GPSM2: variants seen among roughly 807,000 people sequenced by gnomAD.
GPSM2 encodes G protein-signaling modulator 2.
Under a neutral mutation model 78.4 loss-of-function variants are expected in GPSM2, and 58 were observed. The ratio of observed to expected loss-of-function variants is 0.74; its 90% confidence interval spans 0.60 to 0.92. The LOEUF is 0.92. Among genes scored for constraint, GPSM2 ranks in the 40% least tolerant of loss-of-function variants. The pLI is 0.00. For synonymous variants in GPSM2, 224 were observed against 280.2 expected (o/e 0.80, Z 2.00); for missense variants, 700 against 815.5 (o/e 0.86, Z 1.73).
chr1:108,918,390 G>C (rs1009096004), intron 11 of GPSM2, among the ~76,000 whole-genome samples: 2 of 152,110 alleles, frequency 1.3e-5, no homozygotes, highest in African/African-American at 4.8e-5. Flanking sequence ...TTAAAAACCA[G>C]CATTTTAATG....
intron 1 of GPSM2, chr1:108,877,816 C>A (rs1665706819): frequency 6.6e-6 from 1 of 152,074 alleles, no homozygotes; most frequent in Non-Finnish European, 1.5e-5. Context: ...TTCCTGAAAT[C>A]TATAGAATAC....
chr1:108,924,040 T>G lies in GPSM2; in HGVS notation c.1641T>G (p.Phe547Leu), dbSNP rs891269232. 14 of 1,613,444 alleles carry G rather than the reference T, an allele frequency of 8.7e-6. No homozygotes were observed. The highest frequency in any genetic ancestry group is 9.3e-6 in the Non-Finnish European group (11 of 1,179,418). The change falls in exon 14 of 15, where the codon TTT becomes TTG. Residue 547 changes from phenylalanine to leucine, a missense_variant. Phe to Leu is a conservative substitution (Grantham distance 22). Transcript: ENST00000264126. Reference protein sequence around the residue: ...VPVVSPNTDEFLDLLASSQSR... With the variant: ...VPVVSPNTDELLDLLASSQSR... ...TGGTATCCCCCAACACGGATGAGTT[T>G]TTAGATCTTCTTGCCAGCTCACAGA...
intron 10 of GPSM2, among the ~76,000 whole-genome samples, chr1:108,906,684 C>T (rs11102623): frequency 0.025 from 3,744 of 151,986 alleles, 159 homozygotes; most frequent in African/African-American, 0.085. Flanking sequence ...TCGAGACCAG[C>T]CTGGCCAACA....
At chr1:108,903,682 C>T (rs191862465) in intron 9 of GPSM2, among the ~76,000 whole-genome samples, 253 of 152,134 alleles carry the variant, frequency 1.7e-3, no homozygotes, top group Middle Eastern at 6.8e-3. Context: ...AGTGTTATAA[C>T]GATTAGAGCT....
At chr1:108,891,664 ATTTTTTT>A (rs58295802) in intron 2 of GPSM2, among the ~76,000 whole-genome samples, 1 of 117,206 alleles carries the variant, frequency 8.5e-6, no homozygotes, top group African/African-American at 3.5e-5. Flanking sequence ...CAGCCAGCTA[ATTTTTTT>A]TTTTTTTTTT....
At chr1:108,919,615 A>G (rs539367356) in intron 12 of GPSM2, among the ~76,000 whole-genome samples, 5 of 152,174 alleles carry the variant, frequency 3.3e-5, no homozygotes, top group African/African-American at 4.8e-5. Flanking sequence ...GTATATGCCT[A>G]TGGTCCCAGA....
chr1:108,902,388 A>G (rs1648893465), intron 8 of GPSM2, among the ~76,000 whole-genome samples: 1 of 151,998 alleles, frequency 6.6e-6, no homozygotes, highest in African/African-American at 2.4e-5. Flanking sequence ...TCAAAAAAAA[A>G]AAAAAAAAAG....
At chr1:108,894,248 T>C (rs1319594222) in intron 2 of GPSM2, among the ~76,000 whole-genome samples, 2 of 152,206 alleles carry the variant, frequency 1.3e-5, no homozygotes, top group Non-Finnish European at 2.9e-5. Flanking sequence ...TGAAGTGACA[T>C]ATAAAGAAAC....
chr1:108,880,501 A>G (rs896337777), intron 1 of GPSM2, among the ~76,000 whole-genome samples: 24 of 150,938 alleles, frequency 1.6e-4, no homozygotes, highest in African/African-American at 5.1e-4. Context: ...AATCACTTGA[A>G]CCCAGGACGT....
chr1:108,931,888 A>G lies in GPSM2; in HGVS notation c.*1948A>G, dbSNP rs1170519689. The G allele has an allele frequency of 1.2e-5, 2 of 160,968 alleles. No homozygotes were observed. The highest frequency in any genetic ancestry group is 4.8e-5 in the African/African-American group (2 of 41,528). 10.0% of individuals were successfully genotyped at this position (160,968 alleles called of 1,614,324 possible). ...CTTTGTGTATTATTTTGTGTATACAATAGTTCTTACAGCCTGTAAACATTC... is the reference window on the plus strand; with the variant it reads ...CTTTGTGTATTATTTTGTGTATACAGTAGTTCTTACAGCCTGTAAACATTC... On this transcript the variant is annotated 3_prime_UTR_variant, in exon 15 of 15. Coordinates refer to ENST00000264126, the MANE Select transcript of GPSM2 (RefSeq NM_013296.5).
rs371082034 is a variant in GPSM2, at chr1:108,903,119, G to A, written c.954-7G>A. ...TAACTGCATGTTCGCTTTGAATAAC[G>A]TTTTAGAATTGGTGAAGGAAGAGCA... is the stretch of plus-strand genomic sequence containing the variant. On this transcript the variant is annotated splice_region_variant and splice_polypyrimidine_tract_variant and intron_variant, in intron 8 of 14. Coordinates refer to ENST00000264126, the MANE Select transcript of GPSM2 (RefSeq NM_013296.5). 5.8e-6 allele frequency: 9 copies of A among 1,543,860 alleles called. No homozygotes were observed. Among genetic ancestry groups the A allele is most frequent in the African/African-American group, 1.4e-5 (1 of 73,678 alleles).
At chr1:108,883,752 C>T (rs1393069343) in intron 1 of GPSM2, among the ~76,000 whole-genome samples, 1 of 151,988 alleles carries the variant, frequency 6.6e-6, no homozygotes, top group Non-Finnish European at 1.5e-5. Flanking sequence ...GAAGATTTTA[C>T]CTTTATTCCT....
At chr1:108,899,071 C>A in intron 7 of GPSM2, 77 bp downstream of exon 7, 2 of 875,532 alleles carry the variant, frequency 2.3e-6, no homozygotes, top group Non-Finnish European at 3.8e-6. Flanking sequence ...GGTTTAAAAT[C>A]TGATTGTAGC....
At chr1:108,903,942 G>C (rs1055384542) in intron 9 of GPSM2, among the ~76,000 whole-genome samples, 183 bp from the exon 10 acceptor site, 3 of 151,984 alleles carry the variant, frequency 2.0e-5, no homozygotes, top group African/African-American at 7.2e-5. Context: ...TTTTCTTTCT[G>C]TATTCTTTAA....
intron 2 of GPSM2, among the ~76,000 whole-genome samples, 180 bp downstream of exon 2, chr1:108,885,758 A>G (rs1329438575): frequency 6.6e-6 from 1 of 152,182 alleles, no homozygotes; most frequent in Non-Finnish European, 1.5e-5. Flanking sequence ...GATAGTAGAG[A>G]CCAATTATGT....
intron 10 of GPSM2, chr1:108,910,074 TGTTTA>T (rs556976956): frequency 1.5e-4 from 23 of 152,086 alleles, no homozygotes; most frequent in Admixed American, 9.8e-4. Flanking sequence ...GGTTCCAAAT[TGTTTA>T]GTTTAATTTT....
intron 2 of GPSM2, among the ~76,000 whole-genome samples, chr1:108,893,978 C>T (rs1336315008): frequency 6.6e-6 from 1 of 150,580 alleles, no homozygotes; most frequent in African/African-American, 2.4e-5. Context: ...TTGCTTGAAC[C>T]CAGGAGGCGG....
At chr1:108,893,600 CTTAAA>C (rs1049295968) in intron 2 of GPSM2, among the ~76,000 whole-genome samples, 23 of 152,136 alleles carry the variant, frequency 1.5e-4, no homozygotes, top group African/African-American at 5.1e-4. Context: ...ATTTAGAATG[CTTAAA>C]TTAAAAACTT....
At chr1:108,904,400 T>C (rs1649067345) in intron 10 of GPSM2, 146 bp downstream of exon 10, 1 of 308,494 alleles carries the variant, frequency 3.2e-6, no homozygotes, top group Middle Eastern at 9.7e-4. Context: ...CAGCTCTGTT[T>C]GTAAATATAT....
Sources: allele counts gnomAD v4.1 joint callset (sites outside exome capture counted in the v4.1 genomes callset), GRCh38; gene constraint gnomAD v4.1.1; transcripts MANE v1.5; gene names NCBI Gene and HGNC (gene_info 2026-07-23, HGNC 2026-07-21).